CCT8: variants seen among roughly 807,000 people sequenced by gnomAD.
CCT8 encodes the protein T-complex protein 1 subunit theta.
A neutral mutation model predicts 65.7 loss-of-function variants in CCT8; 10 were observed. That is an observed-to-expected ratio of 0.15 (90% CI 0.09 to 0.26). The LOEUF is 0.26. Among genes scored for constraint, CCT8 ranks in the 10% least tolerant of loss-of-function variants. The pLI, the probability that CCT8 is intolerant of heterozygous loss-of-function variation, is 1.00. For missense variants in CCT8, 568 were observed against 669.1 expected (o/e 0.85, Z 1.67); for synonymous variants, 199 against 221.8 (o/e 0.90, Z 0.92).
intron 7 of CCT8, among the ~76,000 whole-genome samples, chr21:29,064,409 T>TAA (rs34760776): frequency 0.012 from 315 of 26,716 alleles, 17 homozygotes; most frequent in African/African-American, 0.021. Flanking sequence ...AGCAAGACTC[T>TAA]AAAAAAAAAA....
chr21:29,070,348 A>G lies in CCT8; in HGVS notation c.61-11T>C, dbSNP rs770455385. On this transcript the variant is annotated splice_polypyrimidine_tract_variant and intron_variant, in intron 1 of 14. Transcript: ENST00000286788. ...TAATCCTGAAAAGTGCTGTTAAAAAAAACAAACAAAAAACCCCGCTAATTA... is the reference window on the plus strand; with the variant it reads ...TAATCCTGAAAAGTGCTGTTAAAAAGAACAAACAAAAAACCCCGCTAATTA... 5.0e-5 allele frequency: 79 copies of G among 1,569,298 alleles called. No individual in the cohort carries two copies. Among genetic ancestry groups the G allele is most frequent in the Non-Finnish European group, 6.4e-5 (74 of 1,149,104 alleles).
At chr21:29,064,409 T>TAAAAAAAAAAAAA (rs34760776) in intron 7 of CCT8, among the ~76,000 whole-genome samples, 14 of 26,722 alleles carry the variant, frequency 5.2e-4, no homozygotes, top group South Asian at 2.1e-3. Flanking sequence ...AGCAAGACTC[T>TAAAAAAAAAAAAA]AAAAAAAAAA....
rs781086541 is a variant in CCT8 at position 29,060,529 on chromosome 21, C to T, written c.1569+12G>A. 2 of 1,612,064 alleles carry T rather than the reference C, an allele frequency of 1.2e-6. No individual in the cohort carries two copies. Among genetic ancestry groups the T allele is most frequent in the East Asian group, 2.2e-5 (1 of 44,836 alleles). Reference sequence around the variant, plus strand: ...TGAGTATTTTTAAAGATCAAAATTTCACTTTGCTCACCTGATCCACTCTAA... The same window carrying T: ...TGAGTATTTTTAAAGATCAAAATTTTACTTTGCTCACCTGATCCACTCTAA... On this transcript the variant is annotated intron_variant, in intron 14 of 14. Coordinates refer to ENST00000286788, the MANE Select transcript of CCT8 (RefSeq NM_006585.4).
intron 3 of CCT8, among the ~76,000 whole-genome samples, chr21:29,068,909 G>A (rs964686988): frequency 1.3e-5 from 2 of 152,178 alleles, no homozygotes; most frequent in Non-Finnish European, 2.9e-5. Context: ...ATTACAAGGC[G>A]GGAATGAGGA....
At chr21:29,069,552 T>A (rs761118439) in intron 2 of CCT8, 50 bp from the exon 3 acceptor site, 1 of 1,105,396 alleles carries the variant, frequency 9.0e-7, no homozygotes, top group South Asian at 1.5e-5. Flanking sequence ...ATTAATCAAA[T>A]CCTTCCCCAA....
At chr21:29,062,061 C>T in intron 11 of CCT8, 67 bp downstream of exon 11, 1 of 1,030,580 alleles carries the variant, frequency 9.7e-7, no homozygotes, top group Non-Finnish European at 1.5e-6. Flanking sequence ...AGTCTGCAAA[C>T]TGTACTTTTA....
chr21:29,057,870 C>G (rs946201275), intron 14 of CCT8, among the ~76,000 whole-genome samples: 3 of 151,008 alleles, frequency 2.0e-5, no homozygotes, highest in African/African-American at 7.3e-5. Flanking sequence ...TATATCTCAG[C>G]CAACCATGAC....
At position 29,060,521 on chromosome 21, in the gene CCT8, C is replaced by A. The variant is rs879462819; in HGVS notation, c.1569+20G>T. ...TATGCAAATGAGTATTTTTAAAGAT[C>A]AAAATTTCACTTTGCTCACCTGATC... On this transcript the variant is annotated intron_variant, in intron 14 of 14. Coordinates refer to ENST00000286788, the MANE Select transcript of CCT8 (RefSeq NM_006585.4). 2 of 1,611,854 alleles carry A rather than the reference C, an allele frequency of 1.2e-6. No homozygotes were observed. Among genetic ancestry groups the A allele is most frequent in the African/African-American group, 2.7e-5 (2 of 74,894 alleles).
Position 29,061,362 on chromosome 21 carries a change from G to A in CCT8, c.1340C>T (p.Ala447Val), listed in dbSNP as rs763381759. 6 of 1,613,892 alleles carry A rather than the reference G, an allele frequency of 3.7e-6. No homozygotes were observed. The Admixed American group carries it at 5.0e-5, about 13-fold the overall frequency. Residue 447 changes from alanine (A) to valine (V), a missense_variant, in exon 13 of 15, where the codon GCT (alanine) becomes GTT (valine). Transcript: ENST00000286788. ...AIKKFAEAFE[A>V]IPRALAENSG... ...GTTTTCTGCCAGTGCGCGGGGAATA[G>A]CTTCAAATGCCTCAGCAAACTTCTT...
intron 1 of CCT8, chr21:29,073,209 C>G: frequency 1.7e-6 from 2 of 1,153,870 alleles, no homozygotes; most frequent in Non-Finnish European, 2.2e-6. Flanking sequence ...TCACAACCTC[C>G]TTTAAGGGTG....
intron 14 of CCT8, among the ~76,000 whole-genome samples, chr21:29,058,657 T>C (rs117654880): frequency 0.12 from 17,798 of 149,144 alleles, 1,441 homozygotes; most frequent in Non-Finnish European, 0.17. Context: ...AGTGGTGCCA[T>C]CTCTACTCAC....
chr21:29,067,091 T>C lies in CCT8; in HGVS notation c.382-20A>G, dbSNP rs752274110. On this transcript the variant is annotated intron_variant, in intron 4 of 14. Coordinates refer to ENST00000286788, the MANE Select transcript of CCT8 (RefSeq NM_006585.4). Reference sequence around the variant, plus strand: ...TATGACCTAAAACATAAACAACATTTCCTATTCTGACATGACTTAAAGTAG... The same window carrying C: ...TATGACCTAAAACATAAACAACATTCCCTATTCTGACATGACTTAAAGTAG... 1 of 1,574,188 alleles carries C rather than the reference T, an allele frequency of 6.4e-7. No homozygotes were observed. The highest frequency in any genetic ancestry group is 8.7e-7 in the Non-Finnish European group (1 of 1,155,576).
chr21:29,063,271 C>G, intron 8 of CCT8, 81 bp downstream of exon 8: 1 of 1,073,656 alleles, frequency 9.3e-7, no homozygotes. Context: ...TAACAGTCTT[C>G]ATGGTCTATT....
intron 14 of CCT8, chr21:29,058,073 A>G (rs1227157318): frequency 6.6e-6 from 1 of 152,102 alleles, no homozygotes; most frequent in Non-Finnish European, 1.5e-5. Flanking sequence ...CATGTTACCA[A>G]TTGAGAGTAA....
chr21:29,062,098 C>A (rs752172803), intron 11 of CCT8, 30 bp downstream of exon 11: 4 of 1,450,264 alleles, frequency 2.8e-6, no homozygotes, highest in South Asian at 1.1e-5. Context: ...TCAGACCTTA[C>A]AAACTACTAA....
At chr21:29,062,931 C>G (rs2085580399) in intron 8 of CCT8, 1 of 326,268 alleles carries the variant, frequency 3.1e-6, no homozygotes, top group African/African-American at 2.1e-5. Flanking sequence ...GTTCTGTGAA[C>G]AAGAGTGATT....
At chr21:29,066,197 A>T (rs1183479478) in intron 6 of CCT8, among the ~76,000 whole-genome samples, 2 of 152,154 alleles carry the variant, frequency 1.3e-5, no homozygotes, top group African/African-American at 4.8e-5. Flanking sequence ...TTTAAACTTA[A>T]ATAGGTAGTA....
At chr21:29,069,593 A>G (rs1186306533) in intron 2 of CCT8, 91 bp from the exon 3 acceptor site, 2 of 681,036 alleles carry the variant, frequency 2.9e-6, no homozygotes, top group Non-Finnish European at 4.8e-6. Context: ...AAGAAATTAT[A>G]AATTTGTATA....
At chr21:29,058,305 G>T (rs1394760826) in intron 14 of CCT8, 1 of 152,082 alleles carries the variant, frequency 6.6e-6, no homozygotes, top group Non-Finnish European at 1.5e-5. Context: ...GGTGGGCATG[G>T]TGGCATGCGC....
Sources: allele counts gnomAD v4.1 joint callset (sites outside exome capture counted in the v4.1 genomes callset), GRCh38; gene constraint gnomAD v4.1.1; transcripts MANE v1.5; gene names NCBI Gene and HGNC (gene_info 2026-07-23, HGNC 2026-07-21).